The following LAMA2 variants were observed in gnomAD, a reference collection of about 807,000 sequenced individuals.
The protein encoded by LAMA2 is laminin subunit alpha 2.
A neutral mutation model predicts 364.8 loss-of-function variants in LAMA2; 269 were observed. The ratio of observed to expected loss-of-function variants is 0.74; its 90% CI spans 0.67 to 0.82. LAMA2 has a LOEUF of 0.82. Among genes scored for constraint, LAMA2 ranks in the 40% least tolerant of loss-of-function variants. The pLI, the probability that LAMA2 is intolerant of heterozygous loss-of-function variation, is 0.00. For synonymous variants in LAMA2, 1,379 were observed against 1,370.6 expected (o/e 1.01, Z -0.14); for missense variants, 3,807 against 3,873.2 (o/e 0.98, Z 0.45).
intron 52 of LAMA2, among the ~76,000 whole-genome samples, chr6:129,474,523 C>T (rs2114825877): frequency 6.6e-6 from 1 of 152,230 alleles, no homozygotes; most frequent in Middle Eastern, 3.4e-3. Flanking sequence ...GCCAGTCATT[C>T]ACCAAAAGTT....
chr6:129,452,272 C>T (rs1331330231), intron 45 of LAMA2, among the ~76,000 whole-genome samples: 1 of 152,166 alleles, frequency 6.6e-6, no homozygotes, highest in Non-Finnish European at 1.5e-5. Context: ...AACAGTATTA[C>T]TCTATTCATA....
chr6:128,926,336 T>G (rs1414955017), intron 1 of LAMA2, among the ~76,000 whole-genome samples: 1 of 152,182 alleles, frequency 6.6e-6, no homozygotes, highest in Non-Finnish European at 1.5e-5. Context: ...AGGCCTCTGT[T>G]CTTTAGATAT....
chr6:129,080,970 A>G (rs1034284250), intron 3 of LAMA2, among the ~76,000 whole-genome samples: 1 of 152,182 alleles, frequency 6.6e-6, no homozygotes, highest in African/African-American at 2.4e-5. Context: ...ACTATTCACA[A>G]TAGCAAAGAC....
chr6:129,469,565 TA>T (rs1233010747), intron 51 of LAMA2, among the ~76,000 whole-genome samples: 1 of 151,848 alleles, frequency 6.6e-6, no homozygotes, highest in African/African-American at 2.4e-5. Context: ...ACATCTACCA[TA>T]CAAACCAATC....
At chr6:129,398,567 T>G (rs1327818641) in intron 37 of LAMA2, among the ~76,000 whole-genome samples, 1 of 144,508 alleles carries the variant, frequency 6.9e-6, no homozygotes, top group Non-Finnish European at 1.5e-5. Context: ...CCTCCACCTC[T>G]CAGGTCAAGT....
At chr6:128,944,860 G>A (rs1399109153) in intron 1 of LAMA2, among the ~76,000 whole-genome samples, 3 of 152,110 alleles carry the variant, frequency 2.0e-5, no homozygotes, top group African/African-American at 4.8e-5. Context: ...AGAACTCACT[G>A]TCATGAGGAC....
rs150993082 is a variant in LAMA2, at chr6:128,886,002, A to C, written c.112+2645A>C. On this transcript the variant is annotated intron_variant, in intron 1 of 64. Coordinates refer to ENST00000421865, the MANE Select transcript of LAMA2 (RefSeq NM_000426.4). Reference sequence around the variant, plus strand: ...TATGTGGAAACTGAAGCATAATGGCAGGTAAATTGCAACTGATTGAAAAAT... The same window carrying C: ...TATGTGGAAACTGAAGCATAATGGCCGGTAAATTGCAACTGATTGAAAAAT... Among the ~76,000 whole-genome samples the C allele has an allele frequency of 3.3e-3, 508 of 152,340 alleles. 2 individuals are homozygous for C. Among genetic ancestry groups the C allele is most frequent in the Non-Finnish European group, 5.6e-3 (382 of 68,026 alleles).
At chr6:129,369,618 C>T (rs185368572) in intron 33 of LAMA2, among the ~76,000 whole-genome samples, 8 of 152,134 alleles carry the variant, frequency 5.3e-5, no homozygotes, top group Admixed American at 2.6e-4. Context: ...ATAATGCTTA[C>T]CCCCCATAGA....
intron 37 of LAMA2, 97 bp from the exon 38 acceptor site, chr6:129,401,127 C>T: frequency 2.4e-6 from 2 of 831,514 alleles, no homozygotes; most frequent in Non-Finnish European, 2.1e-6. Flanking sequence ...ACCTTTTTTG[C>T]TAAGCTTTTA....
chr6:129,455,242 CTT>C (rs916541427), intron 47 of LAMA2, among the ~76,000 whole-genome samples: 1 of 150,972 alleles, frequency 6.6e-6, no homozygotes, highest in African/African-American at 2.4e-5. Flanking sequence ...GACTTCATCT[CTT>C]AAAAAAAAAA....
At position 129,502,669 on chromosome 6, in the gene LAMA2, C is replaced by A. The variant is rs896593112; in HGVS notation, c.8255C>A (p.Ala2752Asp). The A allele has an allele frequency of 1.2e-5, 20 of 1,612,732 alleles. No homozygotes were observed. The highest frequency in any genetic ancestry group is 1.7e-5 in the Non-Finnish European group (20 of 1,178,812). Reference sequence around the variant, plus strand: ...CTGGGTATTTTACAGGGTCCTTGTGCTGCAGAATCAGAACCAGCTCTTTTG... The same window carrying A: ...CTGGGTATTTTACAGGGTCCTTGTGATGCAGAATCAGAACCAGCTCTTTTG... Reference protein sequence around the residue: ...PTPVLTHGPCAAESEPALLIG... With the variant: ...PTPVLTHGPCDAESEPALLIG... Residue 2752 changes from alanine to aspartate, a missense_variant, in exon 59 of 65, where the codon GCT becomes GAT. Coordinates refer to ENST00000421865, the MANE Select transcript of LAMA2 (RefSeq NM_000426.4).
intron 29 of LAMA2, among the ~76,000 whole-genome samples, chr6:129,338,999 C>T (rs1351518629): frequency 1.3e-5 from 2 of 152,082 alleles, no homozygotes; most frequent in Non-Finnish European, 2.9e-5. Context: ...TAATGAAGCT[C>T]TTCCTTGCCA....
intron 1 of LAMA2, among the ~76,000 whole-genome samples, chr6:128,895,428 C>T (rs1173933357): frequency 2.9e-5 from 4 of 137,124 alleles, no homozygotes; most frequent in African/African-American, 1.1e-4. Flanking sequence ...GTCAGGAGAT[C>T]GAGACCATCC....
intron 1 of LAMA2, among the ~76,000 whole-genome samples, chr6:128,931,939 T>C (rs1779511305): frequency 6.6e-6 from 1 of 152,230 alleles, no homozygotes; most frequent in South Asian, 2.1e-4. Flanking sequence ...GATTGTTCAT[T>C]ATATTTTTCT....
intron 1 of LAMA2, among the ~76,000 whole-genome samples, chr6:128,961,740 A>G (rs1781534952): frequency 6.6e-6 from 1 of 151,956 alleles, no homozygotes. Context: ...ACACCCTCAC[A>G]GATACACCCA....
intron 1 of LAMA2, chr6:128,905,526 A>G (rs1777387595): frequency 6.6e-6 from 1 of 152,148 alleles, no homozygotes; most frequent in Non-Finnish European, 1.5e-5. Flanking sequence ...CTGGACAGGA[A>G]GATATTTAGA....
At chr6:128,991,742 A>G (rs116723595) in intron 1 of LAMA2, among the ~76,000 whole-genome samples, 1,774 of 152,310 alleles carry the variant, frequency 0.012, 35 homozygotes, top group African/African-American at 0.041. Context: ...ATTAAATGAT[A>G]TATCTAGGCA....
intron 3 of LAMA2, among the ~76,000 whole-genome samples, chr6:129,096,899 A>G (rs1457810679): frequency 6.6e-6 from 1 of 152,188 alleles, no homozygotes; most frequent in East Asian, 1.9e-4. Context: ...CGCATTCCAT[A>G]CCAAATTTTT....
At chr6:128,887,462 A>C (rs1776207351) in intron 1 of LAMA2, among the ~76,000 whole-genome samples, 1 of 152,062 alleles carries the variant, frequency 6.6e-6, no homozygotes, top group Admixed American at 6.6e-5. Flanking sequence ...TAAAATTTAT[A>C]TAAATTTTAT....
Sources: allele counts gnomAD v4.1 joint callset (sites outside exome capture counted in the v4.1 genomes callset), GRCh38; gene constraint gnomAD v4.1.1; transcripts MANE v1.5; gene names NCBI Gene and HGNC (gene_info 2026-07-23, HGNC 2026-07-21).